Variants in CCSER1 observed in about 807,000 individuals in gnomAD.
CCSER1 encodes coiled-coil serine rich protein 1, also known as serine-rich coiled-coil domain-containing protein 1.
Under a neutral mutation model 82.0 loss-of-function variants are expected in CCSER1, and 41 were observed. The observed-to-expected ratio is 0.50, with a 90% CI of 0.39 to 0.65. CCSER1 has a LOEUF of 0.65. CCSER1 is among the 30% of genes least tolerant of loss of function. CCSER1 has a pLI of 0.00. For synonymous variants in CCSER1, 414 were observed against 383.9 expected, an observed-to-expected ratio of 1.08 and a Z score of -0.92; for missense variants, 1,119 against 1,064.2, an observed-to-expected ratio of 1.05 and a Z score of -0.72.
chr4:91,475,807 T>C (rs905607704), intron 10 of CCSER1, among the ~76,000 whole-genome samples: 2 of 151,878 alleles, frequency 1.3e-5, no homozygotes, highest in Admixed American at 6.6e-5. Flanking sequence ...CCTGCTACTC[T>C]TCCCAGCCTC....
intron 9 of CCSER1, among the ~76,000 whole-genome samples, chr4:90,951,847 T>C (rs17198799): frequency 0.21 from 31,528 of 151,902 alleles, 3,776 homozygotes; most frequent in Non-Finnish European, 0.26. Context: ...GATACTGAGG[T>C]GATTAGGTAA....
chr4:90,346,076 C>A (rs1742278975), intron 3 of CCSER1, among the ~76,000 whole-genome samples: 1 of 151,782 alleles, frequency 6.6e-6, no homozygotes. Context: ...GCACATTCTG[C>A]TTTTTCTATA....
At chr4:91,362,657 T>C (rs369338609) in intron 10 of CCSER1, among the ~76,000 whole-genome samples, 1 of 151,878 alleles carries the variant, frequency 6.6e-6, no homozygotes, top group Non-Finnish European at 1.5e-5. Context: ...TAGATTGAGA[T>C]GGCATCTAGA....
At chr4:90,833,695 G>T (rs1311405196) in intron 8 of CCSER1, among the ~76,000 whole-genome samples, 2 of 152,138 alleles carry the variant, frequency 1.3e-5, no homozygotes, top group East Asian at 3.9e-4. Flanking sequence ...AAATACATTT[G>T]TAATCTCTCA....
intron 10 of CCSER1, among the ~76,000 whole-genome samples, chr4:91,440,247 G>A (rs950399501): frequency 6.6e-6 from 1 of 152,088 alleles, no homozygotes; most frequent in Non-Finnish European, 1.5e-5. Context: ...TAAAAGAACA[G>A]AAATTAGAAC....
intron 10 of CCSER1, among the ~76,000 whole-genome samples, chr4:91,097,229 T>G (rs1302112810): frequency 6.6e-6 from 1 of 152,204 alleles, no homozygotes; most frequent in Non-Finnish European, 1.5e-5. Context: ...CTAATAATTA[T>G]GGTTGAATAT....
At chr4:90,758,354 G>A (rs962771831) in intron 7 of CCSER1, among the ~76,000 whole-genome samples, 1 of 151,042 alleles carries the variant, frequency 6.6e-6, no homozygotes, top group Non-Finnish European at 1.5e-5. Context: ...ATTGCTAATG[G>A]GGGAAATAAC....
At chr4:91,131,781 T>G (rs1353291198) in intron 10 of CCSER1, among the ~76,000 whole-genome samples, 1 of 152,012 alleles carries the variant, frequency 6.6e-6, no homozygotes, top group Non-Finnish European at 1.5e-5. Flanking sequence ...GACTAGTCTT[T>G]CAACTTTTCT....
intron 10 of CCSER1, among the ~76,000 whole-genome samples, chr4:91,557,297 G>A (rs897368484): frequency 4.6e-5 from 7 of 151,268 alleles, no homozygotes; most frequent in African/African-American, 1.7e-4. Context: ...ATAGCTCCTG[G>A]AATTGAATAC....
intron 10 of CCSER1, among the ~76,000 whole-genome samples, chr4:91,583,906 C>G (rs1763859207): frequency 6.6e-6 from 1 of 151,256 alleles, no homozygotes; most frequent in Admixed American, 6.6e-5. Context: ...GAAGTGAGGA[C>G]TAAGGAGGAT....
rs541553893 is a variant in CCSER1 at position 91,013,663 on chromosome 4, C to T, written c.2173-72287C>T. On this transcript the variant is annotated intron_variant, in intron 9 of 10. Transcript: ENST00000509176. ...TGTCAACCAGGCTGGAGTGCAGTGG[C>T]GCGATCTCGGCTCACTGCAAGCTCC... Among the ~76,000 whole-genome samples the T allele has an allele frequency of 3.1e-4, 37 of 120,390 alleles. 8 individuals are homozygous for T. Among genetic ancestry groups the T allele is most frequent in the Admixed American group, 1.0e-3 (12 of 11,692 alleles). The allele number at this position is 120,390 out of a possible 152,430, so 79.0% of individuals were successfully genotyped here. A position where few individuals can be genotyped will look rare whatever the true frequency, so the allele number is the denominator to read the frequency against.
At chr4:91,297,668 C>T (rs73835126) in intron 10 of CCSER1, among the ~76,000 whole-genome samples, 2 of 151,746 alleles carry the variant, frequency 1.3e-5, no homozygotes, top group East Asian at 1.9e-4. Context: ...GTAAAATCAC[C>T]TAGATGACAG....
intron 6 of CCSER1, 64 bp downstream of exon 6, chr4:90,628,296 G>A: frequency 1.5e-6 from 2 of 1,290,450 alleles, no homozygotes; most frequent in Non-Finnish European, 2.2e-6. Flanking sequence ...TGCAGACGTG[G>A]TTAGACCCTG....
intron 7 of CCSER1, among the ~76,000 whole-genome samples, chr4:90,761,110 T>G (rs1379604194): frequency 1.3e-5 from 2 of 152,148 alleles, no homozygotes; most frequent in African/African-American, 4.8e-5. Flanking sequence ...TATAAATCCC[T>G]TAACAGTCAC....
At chr4:91,488,327 T>A (rs1175315941) in intron 10 of CCSER1, among the ~76,000 whole-genome samples, 1 of 152,212 alleles carries the variant, frequency 6.6e-6, no homozygotes, top group Non-Finnish European at 1.5e-5. Context: ...TCCCTAAATA[T>A]GAATTTTCTA....
At chr4:91,514,353 G>A (rs147448317) in intron 10 of CCSER1, among the ~76,000 whole-genome samples, 1 of 152,108 alleles carries the variant, frequency 6.6e-6, no homozygotes, top group Admixed American at 6.6e-5. Context: ...TTGCTTTATT[G>A]AGACTTGCTC....
intron 6 of CCSER1, among the ~76,000 whole-genome samples, chr4:90,685,505 C>A (rs1196196627): frequency 2.0e-5 from 3 of 152,090 alleles, no homozygotes; most frequent in Non-Finnish European, 4.4e-5. Context: ...CATATAAACA[C>A]ACATTCTTTC....
chr4:90,975,435 A>G (rs962487870), intron 9 of CCSER1, among the ~76,000 whole-genome samples: 1 of 151,308 alleles, frequency 6.6e-6, no homozygotes, highest in African/African-American at 2.4e-5. Flanking sequence ...GTGCACCTTA[A>G]ATATATACAA....
chr4:90,909,196 CTCT>C (rs1489304093), intron 8 of CCSER1, among the ~76,000 whole-genome samples: 2 of 152,184 alleles, frequency 1.3e-5, no homozygotes, highest in African/African-American at 4.8e-5. Context: ...CCAAATGTCC[CTCT>C]TCTTATAAAG....
Sources: allele counts gnomAD v4.1 joint callset (sites outside exome capture counted in the v4.1 genomes callset), GRCh38; gene constraint gnomAD v4.1.1; transcripts MANE v1.5; gene names NCBI Gene and HGNC (gene_info 2026-07-23, HGNC 2026-07-21).